CCDC18: variants seen among roughly 807,000 people sequenced by gnomAD.
The protein encoded by CCDC18 is coiled-coil domain-containing protein 18.
Under a neutral mutation model 196.0 loss-of-function variants are expected in CCDC18, and 157 were observed. That is an observed-to-expected ratio of 0.80 (90% CI 0.70 to 0.91). The LOEUF (loss-of-function observed/expected upper bound fraction) is 0.91. Ranked by LOEUF, CCDC18 falls within the 40% of genes least tolerant of loss-of-function variation. CCDC18 has a pLI of 0.00. For synonymous variants in CCDC18, 482 were observed against 529.2 expected, an observed-to-expected ratio of 0.91 and a Z score of 1.22; for missense variants, 1,465 against 1,611.6, an observed-to-expected ratio of 0.91 and a Z score of 1.56.
Position 93,221,372 on chromosome 1 carries a change from G to A in CCDC18, c.1963-237G>A, listed in dbSNP as rs1167495175. Among the ~76,000 whole-genome samples the A allele has an allele frequency of 5.3e-5, 8 of 151,488 alleles. No individual in the cohort carries two copies. The East Asian group carries it at 1.2e-3, about 22-fold the overall frequency. On this transcript the variant is annotated intron_variant, in intron 14 of 28. Coordinates refer to ENST00000690025, the MANE Select transcript of CCDC18 (RefSeq NM_001378204.1). ...TGGTTTCGATTTGCATTTCTTGAGC[G>A]ATCAGCAATGTTGAGCTTTTTTTTT... is the stretch of plus-strand genomic sequence containing the variant.
intron 7 of CCDC18, among the ~76,000 whole-genome samples, chr1:93,203,884 G>A (rs1181184860): frequency 6.6e-6 from 1 of 152,040 alleles, no homozygotes; most frequent in African/African-American, 2.4e-5. Context: ...CAGGGCTATT[G>A]GTTTTTATAA....
intron 16 of CCDC18, among the ~76,000 whole-genome samples, chr1:93,222,912 T>C (rs1437316182): frequency 6.6e-6 from 1 of 152,232 alleles, no homozygotes; most frequent in East Asian, 1.9e-4. Flanking sequence ...AAAGATACGA[T>C]GTTATTTTTT....
chr1:93,261,294 A>T (rs1663755199), intron 26 of CCDC18, among the ~76,000 whole-genome samples: 1 of 152,102 alleles, frequency 6.6e-6, no homozygotes, highest in Non-Finnish European at 1.5e-5. Context: ...ATTGTGAAAA[A>T]TTTAAATATA....
At chr1:93,247,049 ATTG>A (rs1661578709) in intron 23 of CCDC18, 95 bp downstream of exon 23, 4 of 612,758 alleles carry the variant, frequency 6.5e-6, no homozygotes, top group Non-Finnish European at 1.2e-5. Context: ...GTTTTTTGTT[ATTG>A]TTGTTTTGTT....
rs778727963 is a variant in CCDC18, at chr1:93,218,235, T to TA, written c.1962+375dup. On this transcript the variant is annotated intron_variant, in intron 14 of 28. Coordinates refer to ENST00000690025, the MANE Select transcript of CCDC18 (RefSeq NM_001378204.1). ...TTGAGACCAAAAATGCAAGACACAG[T>TA]AAAAAAAAATAGATACAGTAGTCCC... Among the ~76,000 whole-genome samples, 270 of 150,862 alleles carry TA rather than the reference T, an allele frequency of 1.8e-3. 1 individual carries two copies. The highest frequency in any genetic ancestry group is 3.4e-3 in the Middle Eastern group (1 of 294).
intron 21 of CCDC18, among the ~76,000 whole-genome samples, chr1:93,244,890 C>G (rs117276842): frequency 1.3e-5 from 2 of 148,294 alleles, no homozygotes; most frequent in East Asian, 3.9e-4. Context: ...ACTGGAATAA[C>G]AGTTACATGG....
chr1:93,268,323 C>A (rs1205500292), intron 27 of CCDC18, among the ~76,000 whole-genome samples: 1 of 152,158 alleles, frequency 6.6e-6, no homozygotes, highest in Non-Finnish European at 1.5e-5. Context: ...TATAAAAACC[C>A]TAGAAGAAAA....
At chr1:93,236,037 TATG>T (rs1458238733) in intron 18 of CCDC18, among the ~76,000 whole-genome samples, 1 of 152,226 alleles carries the variant, frequency 6.6e-6, no homozygotes, top group African/African-American at 2.4e-5. Flanking sequence ...ACTTTAGTGT[TATG>T]ATGTGGCCAC....
At chr1:93,208,353 G>A (rs1655056590) in intron 9 of CCDC18, among the ~76,000 whole-genome samples, 1 of 144,606 alleles carries the variant, frequency 6.9e-6, no homozygotes, top group South Asian at 2.2e-4. Context: ...TTTTTTTGAC[G>A]GAGTCTCTCA....
intron 7 of CCDC18, among the ~76,000 whole-genome samples, chr1:93,204,028 G>A (rs1301860267): frequency 6.6e-6 from 1 of 152,110 alleles, no homozygotes. Flanking sequence ...AGGTGAAGAG[G>A]AAATAAGTGT....
At chr1:93,247,632 T>A (rs1274768701) in intron 23 of CCDC18, among the ~76,000 whole-genome samples, 1 of 151,680 alleles carries the variant, frequency 6.6e-6, no homozygotes, top group African/African-American at 2.4e-5. Flanking sequence ...CCTAGGTAGG[T>A]CTCAAACTCC....
chr1:93,203,378 A>G lies in CCDC18; in HGVS notation c.795+1390A>G, dbSNP rs115844422. Reference sequence around the variant, plus strand: ...CAGTTATAGGTAGGCTTTTGTATCTATAGGTCTGGATTTAGACATACAAAT... The same window carrying G: ...CAGTTATAGGTAGGCTTTTGTATCTGTAGGTCTGGATTTAGACATACAAAT... On this transcript the variant is annotated intron_variant, in intron 7 of 28. Coordinates refer to ENST00000690025, the MANE Select transcript of CCDC18 (RefSeq NM_001378204.1). Among the ~76,000 whole-genome samples, 1,182 of 152,286 alleles carry G rather than the reference A, an allele frequency of 7.8e-3. 20 individuals carry two copies. The highest frequency in any genetic ancestry group is 0.027 in the African/African-American group (1,130 of 41,554).
At position 93,270,785 on chromosome 1, in the gene CCDC18, T is replaced by G. The variant is rs1195934645; in HGVS notation, c.4324T>G (p.Ser1442Ala). ...NKEVRLLKKS[S>A]MQTGAGLNQG... ...AGAAGTAAGACTATTAAAAAAGTCT[T>G]CTATGCAAACAGGTGCTGGTTTAAA... Residue 1442 changes from serine to alanine, a missense_variant, in exon 28 of 29, where the codon TCT becomes GCT. Coordinates refer to ENST00000690025, the MANE Select transcript of CCDC18 (RefSeq NM_001378204.1). The G allele has an allele frequency of 6.5e-7, 1 of 1,543,818 alleles. No homozygotes were observed. Among genetic ancestry groups the G allele is most frequent in the Admixed American group, 2.0e-5 (1 of 49,334 alleles).
Position 93,270,547 on chromosome 1 carries a change from C to G in CCDC18, c.4086C>G (p.Phe1362Leu), listed in dbSNP as rs1158718899. The part of the protein sequence containing the change: ...RRSISASDLT[F>L]KIHGDEDLSE... Reference sequence around the variant, plus strand: ...CTATTAGTGCCAGTGATCTTACTTTCAAAATTCATGGTGATGAAGATCTTT... The same window carrying G: ...CTATTAGTGCCAGTGATCTTACTTTGAAAATTCATGGTGATGAAGATCTTT... Residue 1362 changes from phenylalanine (F) to leucine (L), a missense_variant, in exon 28 of 29, where the codon TTC becomes TTG. Physicochemically the swap from Phe to Leu is conservative, Grantham distance 22. Transcript: ENST00000690025. 1.9e-6 allele frequency: 3 copies of G among 1,550,376 alleles called. No individual in the cohort carries two copies. Among genetic ancestry groups the G allele is most frequent in the Non-Finnish European group, 2.6e-6 (3 of 1,146,910 alleles).
intron 21 of CCDC18, among the ~76,000 whole-genome samples, chr1:93,243,108 G>T (rs1025579707): frequency 6.6e-6 from 1 of 152,306 alleles, no homozygotes. Context: ...CTGTATGGGG[G>T]TGCCCACCCC....
At chr1:93,184,304 A>G (rs1398400730) in intron 3 of CCDC18, among the ~76,000 whole-genome samples, 158 bp downstream of exon 3, 1 of 151,864 alleles carries the variant, frequency 6.6e-6, no homozygotes, top group African/African-American at 2.4e-5. Context: ...ATGGTACTCA[A>G]GAATTTAAAT....
intron 17 of CCDC18, among the ~76,000 whole-genome samples, chr1:93,231,503 T>C (rs1368834446): frequency 6.6e-6 from 1 of 152,126 alleles, no homozygotes; most frequent in Non-Finnish European, 1.5e-5. Flanking sequence ...TTATTAAATC[T>C]TCCATTCACT....
rs1487816630 is a variant in CCDC18, at chr1:93,257,206, T to G, written c.3546+668T>G. 2.7e-5 allele frequency among the ~76,000 whole-genome samples: 3 copies of G among 112,736 alleles called. No individual in the cohort carries two copies. In the Admixed American group the frequency reaches 4.1e-4, roughly 15 times the overall value. The allele number at this position is 112,736 out of a possible 152,430, so 74.0% of individuals were successfully genotyped here. On this transcript the variant is annotated intron_variant, in intron 25 of 28. Coordinates refer to ENST00000690025, the MANE Select transcript of CCDC18 (RefSeq NM_001378204.1). ...GAAGTCGTGCCACTGCACCCCAGCC[T>G]GGGCGACAGAGCAAGACTCCATCTC...
chr1:93,248,417 T>C (rs1661784491), intron 23 of CCDC18, among the ~76,000 whole-genome samples: 1 of 152,216 alleles, frequency 6.6e-6, no homozygotes, highest in African/African-American at 2.4e-5. Context: ...TAATATGAAA[T>C]TATTATATGG....
Sources: gnomAD v4.1 joint callset for allele counts (sites outside exome capture counted in the v4.1 genomes callset) on GRCh38, gnomAD v4.1.1 for gene constraint, MANE v1.5 for transcripts, NCBI Gene and HGNC (gene_info 2026-07-23, HGNC 2026-07-21) for gene names.